Variants in MACROD2 observed in about 807,000 individuals in gnomAD.
MACROD2 encodes mono-ADP ribosylhydrolase 2.
A neutral mutation model predicts 70.4 loss-of-function variants in MACROD2; 36 were observed. The observed-to-expected ratio is 0.51, with a 90% CI of 0.39 to 0.68. The LOEUF (loss-of-function observed/expected upper bound fraction) is 0.68. MACROD2 is among the 30% of genes least tolerant of loss of function. The pLI is 0.00. For synonymous variants in MACROD2, 172 were observed against 178.8 expected, an observed-to-expected ratio of 0.96 and a Z score of 0.30; for missense variants, 496 against 538.4, an observed-to-expected ratio of 0.92 and a Z score of 0.78.
chr20:14,376,975 G>T (rs1482820019), intron 3 of MACROD2, among the ~76,000 whole-genome samples: 1 of 151,820 alleles, frequency 6.6e-6, no homozygotes, highest in African/African-American at 2.4e-5. Flanking sequence ...TAAAATATTG[G>T]CATAACTTCC....
intron 6 of MACROD2, among the ~76,000 whole-genome samples, chr20:15,325,199 T>G (rs1054101144): frequency 6.6e-6 from 1 of 152,194 alleles, no homozygotes; most frequent in Non-Finnish European, 1.5e-5. Flanking sequence ...TCTGGATAGC[T>G]AGGAATGTAT....
At chr20:14,874,187 A>G (rs1322218251) in intron 5 of MACROD2, among the ~76,000 whole-genome samples, 2 of 152,042 alleles carry the variant, frequency 1.3e-5, no homozygotes, top group African/African-American at 4.8e-5. Context: ...CTTTCATAAC[A>G]TTTGCATAAT....
At chr20:14,267,246 C>T (rs916853554) in intron 3 of MACROD2, among the ~76,000 whole-genome samples, 23 of 152,038 alleles carry the variant, frequency 1.5e-4, no homozygotes, top group African/African-American at 5.6e-4. Context: ...ATATTCATAT[C>T]CCAAAAGTCA....
At chr20:15,491,628 G>A (rs1243967052) in intron 7 of MACROD2, among the ~76,000 whole-genome samples, 2 of 152,242 alleles carry the variant, frequency 1.3e-5, no homozygotes, top group Non-Finnish European at 2.9e-5. Flanking sequence ...TATCCCCTGA[G>A]GGGTGAGGGA....
At chr20:15,255,180 A>C (rs1311797092) in intron 6 of MACROD2, among the ~76,000 whole-genome samples, 1 of 152,084 alleles carries the variant, frequency 6.6e-6, no homozygotes, top group Non-Finnish European at 1.5e-5. Context: ...ACATTAACTC[A>C]GTCATTTATC....
At chr20:14,332,480 A>G (rs926534268) in intron 3 of MACROD2, among the ~76,000 whole-genome samples, 1 of 152,168 alleles carries the variant, frequency 6.6e-6, no homozygotes, top group African/African-American at 2.4e-5. Flanking sequence ...TTAGATTAAG[A>G]TGAAGCTGTA....
chr20:15,241,126 A>AATGAT (rs2146005440), intron 6 of MACROD2, among the ~76,000 whole-genome samples: 1 of 152,336 alleles, frequency 6.6e-6, no homozygotes, highest in South Asian at 2.1e-4. Context: ...TATAAAAGAG[A>AATGAT]ATGATAGATT....
intron 5 of MACROD2, among the ~76,000 whole-genome samples, chr20:14,829,028 T>C (rs2072932978): frequency 6.6e-6 from 1 of 151,500 alleles, no homozygotes; most frequent in Non-Finnish European, 1.5e-5. Flanking sequence ...CCTATCAAGC[T>C]ATCACCTAGG....
intron 3 of MACROD2, among the ~76,000 whole-genome samples, chr20:14,320,675 T>A (rs1229497991): frequency 1.6e-5 from 1 of 60,982 alleles, no homozygotes. Flanking sequence ...TTTTTTTTTT[T>A]TTTTTTTTTT....
chr20:15,347,163 T>C (rs2078175810), intron 6 of MACROD2, among the ~76,000 whole-genome samples: 1 of 152,232 alleles, frequency 6.6e-6, no homozygotes, highest in Admixed American at 6.5e-5. Flanking sequence ...AAATTATTTC[T>C]CAAAAATCTT....
At position 14,495,137 on chromosome 20, in the gene MACROD2, A is replaced by C. The variant is rs200355319; in HGVS notation, c.301+1629A>C. Among the ~76,000 whole-genome samples the C allele has an allele frequency of 3.9e-5, 6 of 152,224 alleles. No homozygotes were observed. The East Asian group carries it at 7.7e-4, about 20-fold the overall frequency. On this transcript the variant is annotated intron_variant, in intron 4 of 17. Coordinates refer to ENST00000684519, the MANE Select transcript of MACROD2 (RefSeq NM_001351661.2). Reference sequence around the variant, plus strand: ...GCCACTATAACAGAAAAAGTAAAAAACATTAAAATCCACAATAACAGTAGT... The same window carrying C: ...GCCACTATAACAGAAAAAGTAAAAACCATTAAAATCCACAATAACAGTAGT...
chr20:15,024,817 G>A (rs914408198), intron 5 of MACROD2, among the ~76,000 whole-genome samples: 1 of 152,060 alleles, frequency 6.6e-6, no homozygotes, highest in African/African-American at 2.4e-5. Flanking sequence ...TAGTGTTGTA[G>A]GTATTTTGTT....
intron 3 of MACROD2, among the ~76,000 whole-genome samples, chr20:14,189,376 T>C (rs1004629051): frequency 3.9e-5 from 6 of 152,194 alleles, no homozygotes; most frequent in Admixed American, 6.5e-5. Flanking sequence ...AAAAGACTTT[T>C]ATTTATTATT....
intron 3 of MACROD2, among the ~76,000 whole-genome samples, chr20:14,250,440 A>G (rs777813619): frequency 7.2e-5 from 11 of 152,138 alleles, no homozygotes; most frequent in Non-Finnish European, 1.6e-4. Context: ...AAGAATAATG[A>G]ATACTTACCT....
rs1293947809 is a variant in MACROD2, at chr20:14,281,707, C to T, written c.271+195979C>T. ...ATCCCAGCACTTTGGGAGGACAAGG[C>T]GGGCGGATCACAAGGTCAGGAGTTA... On this transcript the variant is annotated intron_variant, in intron 3 of 17. Coordinates refer to ENST00000684519, the MANE Select transcript of MACROD2 (RefSeq NM_001351661.2). 5.3e-5 allele frequency among the ~76,000 whole-genome samples: 8 copies of T among 151,912 alleles called. No individual in the cohort carries two copies. In the East Asian group the frequency reaches 7.7e-4, roughly 15 times the overall value.
chr20:15,071,287 C>A (rs776533587), intron 5 of MACROD2, among the ~76,000 whole-genome samples: 1 of 152,116 alleles, frequency 6.6e-6, no homozygotes, highest in South Asian at 2.1e-4. Context: ...ACTAAATCAG[C>A]GAGGAGTTTT....
At chr20:14,435,641 T>A (rs2084047887) in intron 3 of MACROD2, among the ~76,000 whole-genome samples, 1 of 152,140 alleles carries the variant, frequency 6.6e-6, no homozygotes, top group Non-Finnish European at 1.5e-5. Flanking sequence ...TACATTCTAG[T>A]TGAGGGAAAA....
chr20:15,687,261 TGTGA>T (rs1365888302), intron 8 of MACROD2, among the ~76,000 whole-genome samples: 6 of 149,304 alleles, frequency 4.0e-5, no homozygotes, highest in African/African-American at 7.4e-5. Flanking sequence ...AAAAGATCAC[TGTGA>T]GTATTGAATT....
At chr20:14,880,076 G>A (rs1174276190) in intron 5 of MACROD2, among the ~76,000 whole-genome samples, 1 of 152,114 alleles carries the variant, frequency 6.6e-6, no homozygotes, top group Non-Finnish European at 1.5e-5. Flanking sequence ...GTGGAAAGCA[G>A]AACAATGGAT....
Sources: gnomAD v4.1 joint callset for allele counts (sites outside exome capture counted in the v4.1 genomes callset) on GRCh38, gnomAD v4.1.1 for gene constraint, MANE v1.5 for transcripts, NCBI Gene and HGNC (gene_info 2026-07-23, HGNC 2026-07-21) for gene names.